BOP1: variants seen among roughly 807,000 people sequenced by gnomAD.
BOP1 encodes the protein ribosome biogenesis protein BOP1.
BOP1 carries 54 observed loss-of-function variants against 82.9 expected under a neutral mutation model. The observed-to-expected ratio is 0.65, with a 90% CI of 0.52 to 0.82. The LOEUF is 0.82. BOP1 is among the 40% of genes least tolerant of loss of function. BOP1 has a pLI of 0.00. For missense variants in BOP1, 1,170 were observed against 1,072.0 expected (o/e 1.09, Z -1.28); for synonymous variants, 566 against 451.1 (o/e 1.25, Z -3.23).
chr8:144,279,702 C>T (rs587619249), intron 2 of BOP1, among the ~76,000 whole-genome samples: 1 of 152,300 alleles, frequency 6.6e-6, no homozygotes, highest in South Asian at 2.1e-4. Flanking sequence ...TCTGGGTGGG[C>T]TTGTGGCTGC....
At chr8:144,284,437 G>A (rs903615195) in intron 2 of BOP1, among the ~76,000 whole-genome samples, 1 of 152,232 alleles carries the variant, frequency 6.6e-6, no homozygotes, top group African/African-American at 2.4e-5. Flanking sequence ...ACCCACTGGA[G>A]CTGTTGAGGC....
Position 144,276,222 on chromosome 8 carries a change from A to G in BOP1, c.390+2T>C. On this transcript the variant is annotated splice_donor_variant, in intron 3 of 15. Transcript: ENST00000569669. LOFTEE classifies it high-confidence loss of function. ...CCCAGTGGGAAGCAGCCCCAGTCCTACCTCCTCATCAGAGCTGTCCTCCGC... is the reference window on the plus strand; with the variant it reads ...CCCAGTGGGAAGCAGCCCCAGTCCTGCCTCCTCATCAGAGCTGTCCTCCGC... 1 of 1,612,932 alleles carries G rather than the reference A, an allele frequency of 6.2e-7. No homozygotes were observed. Among genetic ancestry groups the G allele is most frequent in the Non-Finnish European group, 8.5e-7 (1 of 1,179,714 alleles).
rs1554838214 is a variant in BOP1, at chr8:144,275,501, G to A, written c.390+723C>T. Among the ~76,000 whole-genome samples, 8 of 150,766 alleles carry A rather than the reference G, an allele frequency of 5.3e-5. No homozygotes were observed. In the East Asian group the frequency reaches 1.6e-3, roughly 29 times the overall value. On this transcript the variant is annotated intron_variant, in intron 3 of 15. Transcript: ENST00000569669. ...CCCAGCCCGGTGCCAGCCTCTCCAC[G>A]CTGGCGGAGCCCAGCCCGGTGCCAG...
intron 2 of BOP1, among the ~76,000 whole-genome samples, chr8:144,287,076 C>G (rs782537769): frequency 2.0e-5 from 3 of 151,854 alleles, no homozygotes; most frequent in Non-Finnish European, 4.4e-5. Flanking sequence ...GTGGTGAGAT[C>G]TCGGCTCACT....
intron 3 of BOP1, chr8:144,266,435 A>C (rs1383319419): frequency 1.1e-6 from 1 of 906,860 alleles, no homozygotes; most frequent in Non-Finnish European, 1.3e-6. Context: ...ATAAAGGCGC[A>C]GCTCGGGGCC....
At chr8:144,262,772 C>CCACT in intron 13 of BOP1, 81 bp downstream of exon 13, 1 of 1,378,456 alleles carries the variant, frequency 7.3e-7, no homozygotes, top group Non-Finnish European at 9.7e-7. Flanking sequence ...TGCACTGCCC[C>CCACT]TACCCCCACC....
intron 2 of BOP1, among the ~76,000 whole-genome samples, chr8:144,287,870 C>A (rs782462073): frequency 6.6e-5 from 10 of 152,164 alleles, no homozygotes; most frequent in Non-Finnish European, 1.3e-4. Flanking sequence ...GCCATGGTTC[C>A]TTGGCTTCTA....
At chr8:144,280,740 C>T (rs782462218) in intron 2 of BOP1, among the ~76,000 whole-genome samples, 8 of 152,152 alleles carry the variant, frequency 5.3e-5, no homozygotes, top group East Asian at 1.9e-4. Context: ...GTAATCACAG[C>T]GGGAGGCTGA....
In BOP1 at chr8:144,264,548, G is replaced by A. The variant is rs1845312536; in HGVS notation, c.732C>T (p.Arg244=). ...TCTCCACCAGGGAGGGGATGAAGCT[G>A]CGCTTGTCGGCCGGGCGGTTGGTCA... The part of the protein sequence containing the change: ...HPVTNRPADK[R]SFIPSLVEKE... Residue 244 remains arginine, a synonymous_variant, in exon 6 of 16, where the codon CGC becomes CGT. Coordinates refer to ENST00000569669, the MANE Select transcript of BOP1 (RefSeq NM_015201.5). 1.2e-6 allele frequency: 2 copies of A among 1,610,400 alleles called. No individual in the cohort carries two copies. The highest frequency in any genetic ancestry group is 2.2e-5 in the South Asian group (2 of 90,656).
At chr8:144,263,657 C>T in intron 10 of BOP1, 35 bp downstream of exon 10, 1 of 1,600,872 alleles carries the variant, frequency 6.2e-7, no homozygotes, top group East Asian at 2.3e-5. Context: ...TCCCACCTGC[C>T]CCCCAGCTCA....
intron 3 of BOP1, among the ~76,000 whole-genome samples, chr8:144,271,079 C>CCCGG (rs58400462): frequency 2.7e-5 from 4 of 150,770 alleles, no homozygotes; most frequent in African/African-American, 4.9e-5. Context: ...CACGGAGAGC[C>CCCGG]CCGGCCGGCC....
intron 2 of BOP1, among the ~76,000 whole-genome samples, chr8:144,286,011 C>T (rs1554839430): frequency 5.3e-5 from 8 of 152,248 alleles, no homozygotes. Flanking sequence ...CAGGAGGCAG[C>T]ACTGGGCTGC....
At position 144,263,351 on chromosome 8, in the gene BOP1, G is replaced by T; in HGVS notation, c.1475C>A (p.Ala492Glu). The T allele has an allele frequency of 6.3e-7, 1 of 1,595,610 alleles. No homozygotes were observed. Among genetic ancestry groups the T allele is most frequent in the Admixed American group, 1.7e-5 (1 of 59,834 alleles). ...LNPALGDRLV[A>E]GSTDQLLSAF... Reference sequence around the variant, plus strand: ...GCTCAACAGCTGATCTGTGCTGCCCGCCACCAGCCGGTCCCCCAGAGCTGG... The same window carrying T: ...GCTCAACAGCTGATCTGTGCTGCCCTCCACCAGCCGGTCCCCCAGAGCTGG... The change falls in exon 12 of 16, where the codon GCG becomes GAG. Residue 492 changes from alanine (A) to glutamate (E), a missense_variant. Transcript: ENST00000569669.
chr8:144,264,099 C>G lies in BOP1; in HGVS notation c.1022G>C (p.Ser341Thr). The change falls in exon 8 of 16, where the codon AGC becomes ACC. Residue 341 changes from serine to threonine, a missense_variant. Physicochemically the swap from Ser to Thr is moderately conservative, Grantham distance 58. Transcript: ENST00000569669. ...GCTCGGGAACTTGCGTGGCAAAAAGCTCAGCTTCCTCTCGCCTGGCTCCTG... is the reference window on the plus strand; with the variant it reads ...GCTCGGGAACTTGCGTGGCAAAAAGGTCAGCTTCCTCTCGCCTGGCTCCTG... ...EQQEPGERKL[S>T]FLPRKFPSLR... 6.2e-7 allele frequency: 1 copy of G among 1,610,396 alleles called. No homozygotes were observed. Among genetic ancestry groups the G allele is most frequent in the Admixed American group, 1.7e-5 (1 of 59,828 alleles).
At chr8:144,271,681 G>A (rs552503438) in intron 3 of BOP1, among the ~76,000 whole-genome samples, 17 of 152,050 alleles carry the variant, frequency 1.1e-4, no homozygotes, top group African/African-American at 1.7e-4. Flanking sequence ...CCCTGGCGCC[G>A]GGGCCAGAGG....
intron 3 of BOP1, chr8:144,268,166 G>A (rs1845424135): frequency 2.6e-6 from 4 of 1,549,098 alleles, no homozygotes; most frequent in Non-Finnish European, 3.5e-6. Flanking sequence ...GCAGCCAGGA[G>A]GCAGACGCTG....
At chr8:144,274,503 C>T (rs1416627317) in intron 3 of BOP1, among the ~76,000 whole-genome samples, 1 of 152,256 alleles carries the variant, frequency 6.6e-6, no homozygotes, top group Non-Finnish European at 1.5e-5. Flanking sequence ...CAGGCAGATG[C>T]GCACTTCTCT....
At position 144,265,453 on chromosome 8, in the gene BOP1, C is replaced by T. The variant is rs1278936085; in HGVS notation, c.391-382G>A. ...TAGGCAGAAGTGGGCAGCTATAAGA[C>T]GGGGACTCGGGGAAGACCCCAACTG... On this transcript the variant is annotated intron_variant, in intron 3 of 15. Coordinates refer to ENST00000569669, the MANE Select transcript of BOP1 (RefSeq NM_015201.5). The T allele has an allele frequency of 5.3e-5, 17 of 320,950 alleles. No homozygotes were observed. The Admixed American group carries it at 7.0e-4, about 13-fold the overall frequency. 19.9% of individuals were successfully genotyped at this position (320,950 alleles called of 1,614,324 possible). A position where few individuals can be genotyped will look rare whatever the true frequency, so the allele number is the denominator to read the frequency against.
chr8:144,276,186 G>A (rs1052429370), intron 3 of BOP1, 38 bp downstream of exon 3: 33 of 1,605,966 alleles, frequency 2.1e-5, no homozygotes, highest in African/African-American at 1.3e-4. Flanking sequence ...GATGGAAGCC[G>A]CCCCACCCTG....
Sources: allele counts gnomAD v4.1 joint callset (sites outside exome capture counted in the v4.1 genomes callset), GRCh38; gene constraint gnomAD v4.1.1; transcripts MANE v1.5; gene names NCBI Gene and HGNC (gene_info 2026-07-23, HGNC 2026-07-21).